Variants in HHIPL1 observed in about 807,000 individuals in gnomAD.
HHIPL1 encodes the protein HHIP-like protein 1.
HHIPL1 carries 43 observed loss-of-function variants against 61.8 expected under a neutral mutation model. That is an observed-to-expected ratio of 0.70 (90% CI 0.55 to 0.90). HHIPL1 has a LOEUF of 0.90. Ranked by LOEUF, HHIPL1 falls within the 40% of genes least tolerant of loss-of-function variation. The pLI is 0.00. For missense variants in HHIPL1, 1,056 were observed against 1,157.7 expected (o/e 0.91, Z 1.28); for synonymous variants, 482 against 515.8 (o/e 0.93, Z 0.89).
chr14:99,666,481 A>G (rs1342015689), intron 6 of HHIPL1, among the ~76,000 whole-genome samples: 2 of 152,136 alleles, frequency 1.3e-5, no homozygotes, highest in East Asian at 1.9e-4. Flanking sequence ...CATTTTACCA[A>G]TGGGGAAACT....
the HHIPL1 span, among the ~76,000 whole-genome samples, chr14:99,623,971 G>A: frequency 2.6e-5 from 4 of 152,204 alleles, no homozygotes; most frequent in South Asian, 4.1e-4. Flanking sequence ...TGAAGGAAAA[G>A]GAAGATGGAA....
chr14:99,641,033 T>C (rs2055744432), upstream of HHIPL1, among the ~76,000 whole-genome samples: 1 of 151,830 alleles, frequency 6.6e-6, no homozygotes, highest in Admixed American at 6.6e-5. Context: ...ATTACAGGCA[T>C]CCGCCACCAC....
At position 99,645,306 on chromosome 14, in the gene HHIPL1, G is replaced by A. The variant is rs1267514181; in HGVS notation, c.99G>A (p.Thr33=). ...CLDFRPPFRP[T]QPLRLCAQYS... ...ACTTCAGGCCGCCCTTCCGGCCGAC[G>A]CAGCCGCTGCGCCTCTGCGCGCAGT... Residue 33 remains threonine (T), a synonymous_variant, in exon 1 of 9, where the codon ACG becomes ACA. Coordinates refer to ENST00000330710, the MANE Select transcript of HHIPL1 (RefSeq NM_001127258.3). 9 of 1,451,602 alleles carry A rather than the reference G, an allele frequency of 6.2e-6. No homozygotes were observed. The highest frequency in any genetic ancestry group is 2.6e-5 in the Admixed American group (1 of 38,726). 89.9% of individuals were successfully genotyped at this position (1,451,602 alleles called of 1,614,324 possible).
Position 99,678,719 on chromosome 14 carries a change from G to T in HHIPL1, c.*3093G>T, listed in dbSNP as rs550708191. 6.6e-6 allele frequency: 1 copy of T among 152,326 alleles called. No homozygotes were observed. Among genetic ancestry groups the T allele is most frequent in the Admixed American group, 6.5e-5 (1 of 15,302 alleles). The allele number at this position is 152,326 out of a possible 1,614,324, so 9.4% of individuals were successfully genotyped here. ...TGAGCTGGGACATGCCTGTGAGCAC[G>T]TCCAGCACAGATATCTTGGTTAAAG... On this transcript the variant is annotated 3_prime_UTR_variant, in exon 9 of 9. Coordinates refer to ENST00000330710, the MANE Select transcript of HHIPL1 (RefSeq NM_001127258.3).
chr14:99,623,161 C>G, the HHIPL1 span, among the ~76,000 whole-genome samples: 1 of 152,212 alleles, frequency 6.6e-6, no homozygotes, highest in Admixed American at 6.5e-5. Flanking sequence ...GCTAAGTTCC[C>G]CACAGCCCTG....
chr14:99,637,454 C>A, the HHIPL1 span, among the ~76,000 whole-genome samples: 1 of 151,262 alleles, frequency 6.6e-6, no homozygotes, highest in South Asian at 2.1e-4. Context: ...TGCCTCTAAT[C>A]CCAGCTACTT....
the HHIPL1 span, among the ~76,000 whole-genome samples, chr14:99,618,597 C>T: frequency 6.6e-6 from 1 of 152,236 alleles, no homozygotes; most frequent in Non-Finnish European, 1.5e-5. Context: ...GCCTGAGGTC[C>T]GCTCTGGGCT....
chr14:99,667,737 G>A (rs2056268920), intron 6 of HHIPL1, among the ~76,000 whole-genome samples: 1 of 152,222 alleles, frequency 6.6e-6, no homozygotes, highest in Non-Finnish European at 1.5e-5. Flanking sequence ...CACACGCTCT[G>A]CGCTCTTCAG....
At chr14:99,641,974 C>CT (rs1336634403), upstream of HHIPL1, among the ~76,000 whole-genome samples, 9 of 151,514 alleles carry the variant, frequency 5.9e-5, no homozygotes, top group African/African-American at 2.2e-4. Context: ...GAGTCTCGCT[C>CT]TGTGGCCCAG....
rs1303611349 is a variant in HHIPL1, at chr14:99,649,069, C to G, written c.256-3155C>G. 2.0e-5 allele frequency among the ~76,000 whole-genome samples: 3 copies of G among 152,336 alleles called. No homozygotes were observed. The South Asian group carries it at 6.2e-4, about 32-fold the overall frequency. On this transcript the variant is annotated intron_variant, in intron 1 of 8. Coordinates refer to ENST00000330710, the MANE Select transcript of HHIPL1 (RefSeq NM_001127258.3). ...CTGCGGATCATCCTCTTGCCAGCAG[C>G]AATCACTATGTCTTCTTGTCACTTC...
intron 1 of HHIPL1, 104 bp downstream of exon 1, chr14:99,645,566 C>G: frequency 8.6e-7 from 1 of 1,156,774 alleles, no homozygotes; most frequent in South Asian, 3.9e-5. Flanking sequence ...GGGCGGCGGA[C>G]TCGGGAACTC....
At chr14:99,650,266 A>G (rs1226660952) in intron 1 of HHIPL1, among the ~76,000 whole-genome samples, 1 of 152,164 alleles carries the variant, frequency 6.6e-6, no homozygotes, top group Non-Finnish European at 1.5e-5. Flanking sequence ...CTCTTGCTGG[A>G]ACCCAGCCTG....
chr14:99,612,781 C>T, the HHIPL1 span, among the ~76,000 whole-genome samples: 1 of 152,116 alleles, frequency 6.6e-6, no homozygotes, highest in Non-Finnish European at 1.5e-5. Flanking sequence ...CCCCGGGTTG[C>T]CCTGGGGGAG....
chr14:99,613,486 G>A, the HHIPL1 span, among the ~76,000 whole-genome samples: 16 of 151,626 alleles, frequency 1.1e-4, no homozygotes, highest in African/African-American at 3.9e-4. Flanking sequence ...CCCACATCCC[G>A]CTAGTTTTTA....
the HHIPL1 span, among the ~76,000 whole-genome samples, chr14:99,604,882 C>T: frequency 5.9e-5 from 9 of 152,244 alleles, 2 homozygotes; most frequent in East Asian, 1.4e-3. Flanking sequence ...CTCTTTGTCC[C>T]CTTCCCTGCC....
Position 99,669,098 on chromosome 14 carries a change from C to T in HHIPL1, c.1730+795C>T, listed in dbSNP as rs2056296851. On this transcript the variant is annotated intron_variant, in intron 7 of 8. Transcript: ENST00000330710. The stretch of plus-strand genomic sequence containing the variant: ...AGGCCTCTGTCCAGCCCTTCCTCAG[C>T]TCTCATCACTCAGACTTGGTAATCC... The T allele has an allele frequency of 2.8e-6, 4 of 1,421,502 alleles. No individual in the cohort carries two copies. In the African/African-American group the frequency reaches 5.8e-5, roughly 20 times the overall value. 88.1% of individuals were successfully genotyped at this position (1,421,502 alleles called of 1,614,324 possible).
chr14:99,675,116 C>G lies in HHIPL1; in HGVS notation c.1839C>G (p.Thr613=). Reference sequence around the variant, plus strand: ...AGTTCATCCCGAAGACACGGAGCACCCCGCGGCCTACAGCGCGGGCGCCCA... The same window carrying G: ...AGTTCATCCCGAAGACACGGAGCACGCCGCGGCCTACAGCGCGGGCGCCCA... ...KEKFIPKTRS[T]PRPTARAPTR... The change falls in exon 9 of 9, where the codon ACC becomes ACG. Residue 613 remains threonine (T), a synonymous_variant. Transcript: ENST00000330710. This position sits in a 1 kb window ranked among gnomAD's most constrained non-coding sequence, Gnocchi z 5.4. 8.6e-7 allele frequency: 1 copy of G among 1,161,708 alleles called. No individual in the cohort carries two copies. The highest frequency in any genetic ancestry group is 2.7e-5 in the South Asian group (1 of 36,428). The allele number at this position is 1,161,708 out of a possible 1,614,324, so 72.0% of individuals were successfully genotyped here.
rs1172870723 is a variant in HHIPL1 at position 99,645,398 on chromosome 14, C to G, written c.191C>G (p.Ala64Gly). 2.1e-6 allele frequency: 3 copies of G among 1,417,416 alleles called. No homozygotes were observed. The highest frequency in any genetic ancestry group is 2.9e-5 in the South Asian group (2 of 67,960). 87.8% of individuals were successfully genotyped at this position (1,417,416 alleles called of 1,614,324 possible). The change falls in exon 1 of 9, where the codon GCG (alanine) becomes GGG (glycine). Residue 64 changes from alanine (A) to glycine (G), a missense_variant. Transcript: ENST00000330710. ...CTGACCCGCCGCTTCTGGGCCCTGG[C>G]GAGCCGCGTGGACGCCGCCGAGTGG... The part of the protein sequence containing the change: ...AELTRRFWAL[A>G]SRVDAAEWAA...
upstream of HHIPL1, chr14:99,645,014 C>A: frequency 2.3e-6 from 1 of 435,562 alleles, no homozygotes; most frequent in Non-Finnish European, 3.8e-6. Context: ...GTGCCGCATT[C>A]TGCGCCGCGT....
Sources: gnomAD v4.1 joint callset for allele counts (sites outside exome capture counted in the v4.1 genomes callset) on GRCh38, gnomAD v4.1.1 for gene constraint, Gnocchi (gnomAD v3.1) non-coding constraint, MANE v1.5 for transcripts, NCBI Gene and HGNC (gene_info 2026-07-23, HGNC 2026-07-21) for gene names.